ALLC: variants seen among roughly 807,000 people sequenced by gnomAD.
The protein encoded by ALLC is probable inactive allantoicase.
In ALLC, 40 loss-of-function variants were observed where a neutral mutation model predicts 45.0. The ratio of observed to expected loss-of-function variants is 0.89; its 90% confidence interval spans 0.69 to 1.16. ALLC has a LOEUF of 1.16. Among genes scored for constraint, ALLC ranks in the 50% most tolerant of loss-of-function variants. The probability of loss-of-function intolerance (pLI) is 0.00; values close to 1 mark genes in which losing one functional copy is unlikely to be tolerated. For synonymous variants in ALLC, 176 were observed against 178.1 expected (o/e 0.99, Z 0.09); for missense variants, 488 against 493.1 (o/e 0.99, Z 0.10).
intron 1 of ALLC, among the ~76,000 whole-genome samples, chr2:3,668,380 A>C (rs1666781972): frequency 1.3e-5 from 2 of 152,006 alleles, no homozygotes; most frequent in Admixed American, 1.3e-4. Flanking sequence ...AGCAGCTTTC[A>C]TTCTGAGTGA....
chr2:3,677,007 C>T (rs530948783), intron 3 of ALLC, among the ~76,000 whole-genome samples: 7 of 152,224 alleles, frequency 4.6e-5, no homozygotes, highest in Admixed American at 3.3e-4. Context: ...AGGCTGGTCT[C>T]GAACTCCTGA....
At chr2:3,673,458 C>T (rs777480062) in intron 2 of ALLC, among the ~76,000 whole-genome samples, 4 of 152,264 alleles carry the variant, frequency 2.6e-5, no homozygotes, top group Admixed American at 6.5e-5. Flanking sequence ...TCCTGCCTTT[C>T]GAACTCCTGG....
intron 4 of ALLC, 79 bp from the exon 5 acceptor site, chr2:3,679,790 A>T: frequency 6.3e-7 from 1 of 1,589,086 alleles, no homozygotes; most frequent in Non-Finnish European, 8.6e-7. Flanking sequence ...GGTCAGGTGC[A>T]TGTGGGGTGC....
At chr2:3,666,962 G>A (rs1182406360) in intron 1 of ALLC, among the ~76,000 whole-genome samples, 1 of 152,194 alleles carries the variant, frequency 6.6e-6, no homozygotes, top group African/African-American at 2.4e-5. Flanking sequence ...ACTGGATTTT[G>A]AGTTTTATAT....
chr2:3,661,483 GC>G (rs1244130325), intron 1 of ALLC, among the ~76,000 whole-genome samples: 1 of 152,150 alleles, frequency 6.6e-6, no homozygotes, highest in Non-Finnish European at 1.5e-5. Flanking sequence ...AATGCTTGGG[GC>G]CCAGGACCAT....
At chr2:3,665,622 G>T (rs777989432) in intron 1 of ALLC, among the ~76,000 whole-genome samples, 126 of 152,182 alleles carry the variant, frequency 8.3e-4, no homozygotes, top group Admixed American at 3.7e-3. Flanking sequence ...ATCTACCCAG[G>T]TTCCTGCAAA....
In ALLC at chr2:3,682,980, T is replaced by C. The variant is rs1191279343; in HGVS notation, c.417T>C (p.Thr139=). 2 of 1,613,890 alleles carry C rather than the reference T, an allele frequency of 1.2e-6. No individual in the cohort carries two copies. Among genetic ancestry groups the C allele is most frequent in the Non-Finnish European group, 1.7e-6 (2 of 1,179,882 alleles). Reference sequence around the variant, plus strand: ...ACTGGAGTTACTTGGTTCCCATGACTGAGCTTAAGCCAGGAAACCCTGCTT... The same window carrying C: ...ACTGGAGTTACTTGGTTCCCATGACCGAGCTTAAGCCAGGAAACCCTGCTT... ...SDDWSYLVPM[T]ELKPGNPASG... The change falls in exon 7 of 12, where the codon ACT becomes ACC. Residue 139 remains threonine, a synonymous_variant. Coordinates refer to ENST00000252505, the MANE Select transcript of ALLC (RefSeq NM_018436.4).
intron 1 of ALLC, among the ~76,000 whole-genome samples, chr2:3,666,621 G>A (rs1474835751): frequency 6.6e-6 from 1 of 152,248 alleles, no homozygotes; most frequent in Non-Finnish European, 1.5e-5. Flanking sequence ...TTGTGCTGTG[G>A]CACAGCAAAC....
chr2:3,661,568 A>C (rs938565104), intron 1 of ALLC, among the ~76,000 whole-genome samples: 1 of 152,170 alleles, frequency 6.6e-6, no homozygotes, highest in African/African-American at 2.4e-5. Flanking sequence ...AATTCAGGTT[A>C]AGTGTCCTGG....
intron 1 of ALLC, among the ~76,000 whole-genome samples, chr2:3,665,478 G>A (rs1054759088): frequency 6.6e-6 from 1 of 151,976 alleles, no homozygotes; most frequent in African/African-American, 2.4e-5. Flanking sequence ...CCCCACCCCC[G>A]ACAGGCCGGA....
rs1325092440 is a variant in ALLC, at chr2:3,680,903, T to A, written c.299-731T>A. 2.6e-5 allele frequency among the ~76,000 whole-genome samples: 4 copies of A among 152,238 alleles called. No individual in the cohort carries two copies. The highest frequency in any genetic ancestry group is 5.9e-5 in the Non-Finnish European group (4 of 68,046). On this transcript the variant is annotated intron_variant, in intron 5 of 11. Coordinates refer to ENST00000252505, the MANE Select transcript of ALLC (RefSeq NM_018436.4). This position sits in a 1 kb window ranked among gnomAD's most constrained non-coding sequence, Gnocchi z 4.0. ...CAGACATTGACATGGCAGATTCGCA[T>A]CCAAGATGGAGTCACTTTGTCTCCA...
chr2:3,651,895 A>G, the ALLC span, among the ~76,000 whole-genome samples: 3 of 152,144 alleles, frequency 2.0e-5, no homozygotes, highest in African/African-American at 7.2e-5. Flanking sequence ...ACTCAAGGTC[A>G]CTGCATGGAA....
chr2:3,690,250 T>G (rs1412609579), intron 7 of ALLC, among the ~76,000 whole-genome samples: 1 of 28,712 alleles, frequency 3.5e-5, no homozygotes, highest in Non-Finnish European at 6.7e-5. Flanking sequence ...TCCCCTCCCC[T>G]TCCCTTCCCT....
upstream of ALLC, among the ~76,000 whole-genome samples, chr2:3,657,740 A>G (rs1314790663): frequency 2.0e-5 from 3 of 152,234 alleles, no homozygotes; most frequent in East Asian, 5.8e-4. Context: ...TTTCTTAAGC[A>G]TCTGTGGGCT....
chr2:3,666,535 C>T (rs1197899309), intron 1 of ALLC, among the ~76,000 whole-genome samples: 1 of 152,204 alleles, frequency 6.6e-6, no homozygotes, highest in African/African-American at 2.4e-5. Flanking sequence ...CTACACCCTT[C>T]GACCCACAGC....
intron 7 of ALLC, among the ~76,000 whole-genome samples, chr2:3,689,704 A>G (rs564456515): frequency 6.6e-6 from 1 of 150,922 alleles, no homozygotes; most frequent in African/African-American, 2.4e-5. Context: ...AATGTTCTGT[A>G]ATGTCAGTTA....
At chr2:3,697,617 GTCTGTCTATCT>G (rs1667709606) in intron 10 of ALLC, among the ~76,000 whole-genome samples, 161 bp downstream of exon 10, 1 of 138,612 alleles carries the variant, frequency 7.2e-6, no homozygotes, top group Non-Finnish European at 1.5e-5. Flanking sequence ...AACTCTGTCT[GTCTGTCTATCT>G]ATCTATCTAT....
chr2:3,651,313 T>TGG, the ALLC span, among the ~76,000 whole-genome samples: 1 of 8,534 alleles, frequency 1.2e-4, no homozygotes, highest in Non-Finnish European at 2.1e-4. Context: ...GGTGGGTGGG[T>TGG]GGGGGGGGTG....
At chr2:3,674,747 A>G (rs924797249) in intron 3 of ALLC, among the ~76,000 whole-genome samples, 4 of 152,182 alleles carry the variant, frequency 2.6e-5, no homozygotes, top group African/African-American at 9.6e-5. Flanking sequence ...AAGCTGAAGT[A>G]TGGCCCTGAG....
Sources: gnomAD v4.1 joint callset for allele counts (sites outside exome capture counted in the v4.1 genomes callset) on GRCh38, gnomAD v4.1.1 for gene constraint, Gnocchi (gnomAD v3.1) non-coding constraint, MANE v1.5 for transcripts, NCBI Gene and HGNC (gene_info 2026-07-23, HGNC 2026-07-21) for gene names.